DMXL1: variants seen among roughly 807,000 people sequenced by gnomAD.
The protein encoded by DMXL1 is Dmx like 1, also known as dmX-like protein 1.
Under a neutral mutation model 319.2 loss-of-function variants are expected in DMXL1, and 99 were observed. That is an observed-to-expected ratio of 0.31 (90% confidence interval 0.26 to 0.37). The LOEUF is 0.37. DMXL1 is among the 10% of genes least tolerant of loss of function. DMXL1 has a pLI of 1.00. For missense variants in DMXL1, 3,745 were observed against 3,595.6 expected (o/e 1.04, Z -1.06); for synonymous variants, 1,385 against 1,235.2 (o/e 1.12, Z -2.54).
chr5:119,161,432 T>C (rs1168144543), intron 19 of DMXL1, among the ~76,000 whole-genome samples: 1 of 152,076 alleles, frequency 6.6e-6, no homozygotes, highest in African/African-American at 2.4e-5. Context: ...TTAGGCAGAG[T>C]TGTTACTCCA....
chr5:119,071,559 A>G lies in DMXL1; in HGVS notation c.-11A>G. 1 of 1,599,910 alleles carries G rather than the reference A, an allele frequency of 6.3e-7. No homozygotes were observed. Among genetic ancestry groups the G allele is most frequent in the Non-Finnish European group, 8.5e-7 (1 of 1,173,468 alleles). On this transcript the variant is annotated 5_prime_UTR_variant, in exon 1 of 44. An upstream open reading frame in the 5' UTR loses its in-frame stop. Transcript: ENST00000539542. ...TGGATGCGGTGTCCGTTGCAGGACT[A>G]GGGCGCCGACATGAACCTGCACCAG...
intron 9 of DMXL1, among the ~76,000 whole-genome samples, chr5:119,123,921 T>A (rs1762889655): frequency 6.7e-6 from 1 of 150,068 alleles, no homozygotes; most frequent in Non-Finnish European, 1.5e-5. Flanking sequence ...AATGTGATAC[T>A]TAAATTTTTG....
intron 25 of DMXL1, 141 bp downstream of exon 25, chr5:119,172,110 C>A (rs1774694887): frequency 1.2e-5 from 9 of 746,360 alleles, no homozygotes; most frequent in Non-Finnish European, 1.6e-5. Context: ...ATGTTGATTC[C>A]TATTAAAGAA....
intron 39 of DMXL1, chr5:119,236,356 C>G (rs1787753127): frequency 6.6e-6 from 1 of 151,974 alleles, no homozygotes; most frequent in Non-Finnish European, 1.5e-5. Context: ...TTCTAGATGT[C>G]TATCCTACAT....
chr5:119,221,832 A>T (rs1267634050), intron 37 of DMXL1, among the ~76,000 whole-genome samples: 1 of 152,012 alleles, frequency 6.6e-6, no homozygotes, highest in East Asian at 1.9e-4. Flanking sequence ...AGTTAAGCAA[A>T]AAGCAATATA....
At chr5:119,157,267 A>G (rs1771303126) in intron 19 of DMXL1, among the ~76,000 whole-genome samples, 1 of 152,204 alleles carries the variant, frequency 6.6e-6, no homozygotes, top group African/African-American at 2.4e-5. Context: ...TTCCCAATCC[A>G]CGGCTTTTCT....
rs1479363184 is a variant in DMXL1, at chr5:119,166,758, G to A, written c.5113G>A (p.Gly1705Ser). ...EHSAAFFLLAGCLRDAIEVCL... is the reference protein window; with the variant it reads ...EHSAAFFLLASCLRDAIEVCL... ...TTCTGCAGCATTTTTTCTTTTAGCTGGTTGCCTCAGAGATGCAATTGAGGT... is the reference window on the plus strand; with the variant it reads ...TTCTGCAGCATTTTTTCTTTTAGCTAGTTGCCTCAGAGATGCAATTGAGGT... Residue 1705 changes from glycine (G) to serine (S), a missense_variant, in exon 22 of 44, where the codon GGT becomes AGT. Gly to Ser is a moderately conservative substitution (Grantham distance 56, BLOSUM62 0). Transcript: ENST00000539542. The A allele has an allele frequency of 2.5e-6, 4 of 1,611,250 alleles. No homozygotes were observed. Among genetic ancestry groups the A allele is most frequent in the Non-Finnish European group, 3.4e-6 (4 of 1,178,952 alleles).
chr5:119,218,702 G>T lies in DMXL1; in HGVS notation c.8013+1715G>T, dbSNP rs570923583. ...TCTCGATCTCTTTACCTCGTGATCC[G>T]CCTGCCTCGGCCTCCCAAAGTGCTG... On this transcript the variant is annotated intron_variant, in intron 35 of 43. Transcript: ENST00000539542. Among the ~76,000 whole-genome samples the T allele has an allele frequency of 2.6e-5, 4 of 152,154 alleles. No homozygotes were observed. In the South Asian group the frequency reaches 8.3e-4, roughly 32 times the overall value.
intron 15 of DMXL1, among the ~76,000 whole-genome samples, 192 bp from the exon 16 acceptor site, chr5:119,146,645 A>G (rs561471180): frequency 2.0e-5 from 3 of 152,176 alleles, no homozygotes; most frequent in Admixed American, 2.0e-4. Context: ...ATATTATTGT[A>G]AAAATTTTAA....
At chr5:119,230,877 G>A (rs963318273) in intron 38 of DMXL1, among the ~76,000 whole-genome samples, 1 of 152,070 alleles carries the variant, frequency 6.6e-6, no homozygotes, top group Admixed American at 6.6e-5. Context: ...ACAAGACTCC[G>A]TCTCAAAATA....
intron 19 of DMXL1, among the ~76,000 whole-genome samples, chr5:119,158,246 T>G (rs1374973718): frequency 6.6e-6 from 1 of 151,720 alleles, no homozygotes; most frequent in Non-Finnish European, 1.5e-5. Flanking sequence ...TTAATGAGAT[T>G]GTTTTGTTTA....
chr5:119,084,920 A>G (rs190764880), intron 1 of DMXL1, among the ~76,000 whole-genome samples: 44 of 151,986 alleles, frequency 2.9e-4, no homozygotes, highest in South Asian at 8.3e-4. Context: ...TTTTAACAAT[A>G]TTAATTCTTC....
At chr5:119,181,783 G>T (rs1042462953) in intron 28 of DMXL1, among the ~76,000 whole-genome samples, 2 of 152,164 alleles carry the variant, frequency 1.3e-5, no homozygotes, top group African/African-American at 4.8e-5. Flanking sequence ...CTGCACTCCA[G>T]CCTGGGCGAC....
intron 2 of DMXL1, among the ~76,000 whole-genome samples, chr5:119,100,433 C>G (rs1756989086): frequency 6.8e-6 from 1 of 147,056 alleles, no homozygotes; most frequent in Admixed American, 6.8e-5. Context: ...GAGACTCCGT[C>G]TCATAAAAAA....
rs112856001 is a variant in DMXL1, at chr5:119,212,994, A to G, written c.7927-3907A>G. Among the ~76,000 whole-genome samples, 716 of 152,186 alleles carry G rather than the reference A, an allele frequency of 4.7e-3. 7 individuals carry two copies. The highest frequency in any genetic ancestry group is 0.017 in the African/African-American group (702 of 41,524). ...CTTCTTAAACCCAACTTTTTGTCCT[A>G]TTCTGTGCCTGCACTCAAGCAGCTG... On this transcript the variant is annotated intron_variant, in intron 34 of 43. Transcript: ENST00000539542.
chr5:119,092,414 A>G (rs545054517), intron 1 of DMXL1, among the ~76,000 whole-genome samples: 12 of 151,932 alleles, frequency 7.9e-5, no homozygotes, highest in Admixed American at 1.3e-4. Context: ...TGTTGTATGA[A>G]TCTGTTTTTC....
intron 43 of DMXL1, among the ~76,000 whole-genome samples, chr5:119,245,253 C>T (rs1221836773): frequency 6.6e-6 from 1 of 152,040 alleles, no homozygotes; most frequent in Non-Finnish European, 1.5e-5. Flanking sequence ...AGACTAATCC[C>T]TATGTTATTT....
intron 1 of DMXL1, among the ~76,000 whole-genome samples, chr5:119,072,680 A>G (rs960420563): frequency 6.6e-6 from 1 of 152,240 alleles, no homozygotes; most frequent in Non-Finnish European, 1.5e-5. Flanking sequence ...GTCAGAATAA[A>G]TAATACTCAG....
intron 16 of DMXL1, 62 bp from the exon 17 acceptor site, chr5:119,147,187 C>T: frequency 7.2e-7 from 1 of 1,396,078 alleles, no homozygotes; most frequent in South Asian, 1.3e-5. Context: ...TAAAATGTAA[C>T]AATCGTAATA....
Sources: gnomAD v4.1 joint callset for allele counts (sites outside exome capture counted in the v4.1 genomes callset) on GRCh38, gnomAD v4.1.1 for gene constraint, MANE v1.5 for transcripts, NCBI Gene and HGNC (gene_info 2026-07-23, HGNC 2026-07-21) for gene names.